FAM53B: variants seen among roughly 807,000 people sequenced by gnomAD.
The protein encoded by FAM53B is family with sequence similarity 53 member B, also known as protein FAM53B.
Under a neutral mutation model 32.7 loss-of-function variants are expected in FAM53B, and 12 were observed. The observed-to-expected ratio is 0.37, with a 90% confidence interval of 0.24 to 0.59. FAM53B has a LOEUF of 0.59. Among genes scored for constraint, FAM53B ranks in the 20% least tolerant of loss-of-function variants. The pLI, the probability that FAM53B is intolerant of heterozygous loss-of-function variation, is 0.72. For missense variants in FAM53B, 477 were observed against 577.7 expected (o/e 0.83, Z 1.79); for synonymous variants, 234 against 228.7 (o/e 1.02, Z -0.21).
At chr10:124,723,575 C>A (rs1950083427) in intron 1 of FAM53B, among the ~76,000 whole-genome samples, 1 of 152,260 alleles carries the variant, frequency 6.6e-6, no homozygotes, top group South Asian at 2.1e-4. Flanking sequence ...GCAGCCCTCT[C>A]ACACCCAATC....
At chr10:124,676,734 G>A (rs900937141) in intron 4 of FAM53B, among the ~76,000 whole-genome samples, 2 of 152,096 alleles carry the variant, frequency 1.3e-5, no homozygotes, top group African/African-American at 2.4e-5. Flanking sequence ...CAGTCCCTGC[G>A]GCCCCGCCCA....
intron 4 of FAM53B, among the ~76,000 whole-genome samples, chr10:124,674,876 G>A (rs1350774341): frequency 6.6e-6 from 1 of 152,208 alleles, no homozygotes; most frequent in Non-Finnish European, 1.5e-5. Flanking sequence ...GGCAAGCCAA[G>A]AGCACTCCCA....
intron 4 of FAM53B, among the ~76,000 whole-genome samples, chr10:124,662,735 G>C (rs1949642672): frequency 6.6e-6 from 1 of 152,146 alleles, no homozygotes; most frequent in Non-Finnish European, 1.5e-5. Flanking sequence ...GAGGTGGGAG[G>C]ATCACTTGAG....
Position 124,622,923 on chromosome 10 carries a change from A to C in FAM53B, c.*319T>G. ...GGTGCCCAGCTCTGCCGGGGACAACAGAGACTGCCCAACATCCCACAGGGA... is the reference window on the plus strand; with the variant it reads ...GGTGCCCAGCTCTGCCGGGGACAACCGAGACTGCCCAACATCCCACAGGGA... On this transcript the variant is annotated 3_prime_UTR_variant, in exon 5 of 5. Transcript: ENST00000337318. The C allele has an allele frequency of 3.7e-6, 1 of 269,364 alleles. No individual in the cohort carries two copies. Among genetic ancestry groups the C allele is most frequent in the Non-Finnish European group, 7.1e-6 (1 of 141,352 alleles). 16.7% of individuals were successfully genotyped at this position (269,364 alleles called of 1,614,324 possible).
At position 124,682,819 on chromosome 10, in the gene FAM53B, G is replaced by C. The variant is rs1949781824; in HGVS notation, c.134-440C>G. ...AGGTTCTCTGCAGCTCTCAGGACTG[G>C]GACTCGATGCCCTGGCAGAAGACCA... On this transcript the variant is annotated intron_variant, in intron 3 of 4. Coordinates refer to ENST00000337318, the MANE Select transcript of FAM53B (RefSeq NM_014661.4). The surrounding 1 kb of genome is among the most constrained non-coding windows in gnomAD (Gnocchi z 5.2). Among the ~76,000 whole-genome samples the C allele has an allele frequency of 6.6e-6, 1 of 152,220 alleles. No individual in the cohort carries two copies. The highest frequency in any genetic ancestry group is 6.5e-5 in the Admixed American group (1 of 15,286).
intron 4 of FAM53B, among the ~76,000 whole-genome samples, chr10:124,675,079 G>C (rs548110407): frequency 2.0e-5 from 3 of 152,348 alleles, no homozygotes; most frequent in Non-Finnish European, 2.9e-5. Context: ...CTCTTCCCCA[G>C]GAGATCAAAG....
At position 124,676,070 on chromosome 10, in the gene FAM53B, G is replaced by A. The variant is rs145983738; in HGVS notation, c.906+5537C>T. ...GTTCAGCATCCAAAGCTGCCCCCTT[G>A]ACATCCCTAAACTCTGACAGCCCAG... is the stretch of plus-strand genomic sequence containing the variant. On this transcript the variant is annotated intron_variant, in intron 4 of 4. Coordinates refer to ENST00000337318, the MANE Select transcript of FAM53B (RefSeq NM_014661.4). 7.6e-4 allele frequency among the ~76,000 whole-genome samples: 116 copies of A among 152,336 alleles called. 2 individuals are homozygous for A. In the South Asian group the frequency reaches 0.011, roughly 14 times the overall value.
At chr10:124,660,880 T>G (rs79427042) in intron 4 of FAM53B, among the ~76,000 whole-genome samples, 4,800 of 152,224 alleles carry the variant, frequency 0.032, 123 homozygotes, top group Non-Finnish European at 0.05. Flanking sequence ...ACAACATGTA[T>G]GTATCCAGGC....
chr10:124,626,399 C>CA (rs1320472890), intron 4 of FAM53B, among the ~76,000 whole-genome samples: 1 of 147,138 alleles, frequency 6.8e-6, no homozygotes, highest in Admixed American at 6.7e-5. Context: ...CCCCCCCCCC[C>CA]CCCACCATTC....
intron 2 of FAM53B, among the ~76,000 whole-genome samples, chr10:124,698,403 T>G (rs1949889606): frequency 6.6e-6 from 1 of 152,086 alleles, no homozygotes; most frequent in Non-Finnish European, 1.5e-5. Context: ...AGCAGAACAG[T>G]GCTTGCTGGC....
At chr10:124,731,196 G>A (rs371303444) in intron 1 of FAM53B, among the ~76,000 whole-genome samples, 12 of 152,230 alleles carry the variant, frequency 7.9e-5, no homozygotes, top group East Asian at 5.8e-4. Flanking sequence ...AATTAACGGC[G>A]AAGCCTAACG....
chr10:124,652,501 G>A (rs934854685), intron 4 of FAM53B, among the ~76,000 whole-genome samples: 4 of 152,086 alleles, frequency 2.6e-5, no homozygotes, highest in African/African-American at 9.7e-5. Flanking sequence ...TGTCACCCAC[G>A]GTGATAACCC....
chr10:124,700,045 C>T (rs980852528), intron 2 of FAM53B, among the ~76,000 whole-genome samples: 1 of 152,228 alleles, frequency 6.6e-6, no homozygotes, highest in African/African-American at 2.4e-5. Flanking sequence ...GACCAGATCA[C>T]GGCCCATCTT....
chr10:124,628,785 G>A (rs950177768), intron 4 of FAM53B, among the ~76,000 whole-genome samples: 1 of 152,242 alleles, frequency 6.6e-6, no homozygotes, highest in African/African-American at 2.4e-5. Flanking sequence ...ACCAACAGGT[G>A]CAGGGACAGG....
At chr10:124,726,314 G>A (rs186243035) in intron 1 of FAM53B, among the ~76,000 whole-genome samples, 193 of 152,284 alleles carry the variant, frequency 1.3e-3, no homozygotes, top group African/African-American at 4.5e-3. Flanking sequence ...GCCAGGCCCT[G>A]GAAATCTAAA....
In FAM53B at chr10:124,706,751, G is replaced by A. The variant is rs879555001; in HGVS notation, c.-38C>T. ...AGGCGCTGGGCTCCATCCCAGGGTG[G>A]GTATCAGCCATCTTCACTTGGGCAG... On this transcript the variant is annotated 5_prime_UTR_variant, in exon 2 of 5. Transcript: ENST00000337318. The A allele has an allele frequency of 6.2e-7, 1 of 1,613,692 alleles. No individual in the cohort carries two copies. Among genetic ancestry groups the A allele is most frequent in the Non-Finnish European group, 8.5e-7 (1 of 1,179,880 alleles).
intron 4 of FAM53B, among the ~76,000 whole-genome samples, chr10:124,638,268 G>T (rs978623696): frequency 6.6e-6 from 1 of 152,144 alleles, no homozygotes; most frequent in African/African-American, 2.4e-5. Context: ...TACTCGGGAG[G>T]CTGAGGCAGG....
intron 1 of FAM53B, among the ~76,000 whole-genome samples, chr10:124,732,829 CAA>C (rs201097598): frequency 1.6e-5 from 2 of 122,810 alleles, no homozygotes; most frequent in Non-Finnish European, 3.5e-5. Context: ...GACTCCATCA[CAA>C]AAAAAAAAAA....
chr10:124,696,090 C>A, intron 3 of FAM53B, 68 bp downstream of exon 3: 1 of 1,291,970 alleles, frequency 7.7e-7, no homozygotes, highest in Non-Finnish European at 1.1e-6. Context: ...GAGTGTCTCA[C>A]CTGGAGGACT....
Sources: allele counts gnomAD v4.1 joint callset (sites outside exome capture counted in the v4.1 genomes callset), GRCh38; gene constraint gnomAD v4.1.1; non-coding constraint Gnocchi (gnomAD v3.1); transcripts MANE v1.5; gene names NCBI Gene and HGNC (gene_info 2026-07-23, HGNC 2026-07-21).